FLG: variants seen among roughly 807,000 people sequenced by gnomAD.
FLG encodes filaggrin, also known as epidermal filaggrin.
Under a neutral mutation model 3.8 loss-of-function variants are expected in FLG, and 6 were observed. The observed-to-expected ratio is 1.60, with a 90% CI of 0.87 to 3.15. FLG has a LOEUF of 3.15. Among genes scored for constraint, FLG ranks in the 30% most tolerant of loss-of-function variants. FLG has a pLI of 0.00. For synonymous variants in FLG, 2,551 were observed against 1,931.6 expected (o/e 1.32, Z -8.41); for missense variants, 7,595 against 5,050.9 (o/e 1.50, Z -15.27).
chr1:152,302,999 T>C lies in FLG; in HGVS notation c.11887A>G (p.Thr3963Ala). 6.2e-7 allele frequency: 1 copy of C among 1,614,198 alleles called. No individual in the cohort carries two copies. The highest frequency in any genetic ancestry group is 8.5e-7 in the Non-Finnish European group (1 of 1,180,052). ...CCTGATTGACCTTTTTGCCTTTCAGTGCCCTCAGATTGATAATGATAAGAA... is the reference window on the plus strand; with the variant it reads ...CCTGATTGACCTTTTTGCCTTTCAGCGCCCTCAGATTGATAATGATAAGAA... Reference protein sequence around the residue: ...SSSYHYQSEGTERQKGQSGLV... With the variant: ...SSSYHYQSEGAERQKGQSGLV... The change falls in exon 3 of 3, where the codon ACT (threonine) becomes GCT (alanine). Residue 3963 changes from threonine (T) to alanine (A), a missense_variant. Coordinates refer to ENST00000368799, the MANE Select transcript of FLG (RefSeq NM_002016.2).
At position 152,309,434 on chromosome 1, in the gene FLG, C is replaced by T; in HGVS notation, c.5452G>A (p.Gly1818Arg). 1 of 1,613,528 alleles carries T rather than the reference C, an allele frequency of 6.2e-7. No homozygotes were observed. Among genetic ancestry groups the T allele is most frequent in the Non-Finnish European group, 8.5e-7 (1 of 1,179,950 alleles). ...EGQDTIRGHPGSSRGGRQGSH... is the reference protein window; with the variant it reads ...EGQDTIRGHPRSSRGGRQGSH... ...CCCTGCCTTCCTCCTCTGCTTGACCCTGGGTGTCCACGAATGGTGTCCTGA... is the reference window on the plus strand; with the variant it reads ...CCCTGCCTTCCTCCTCTGCTTGACCTTGGGTGTCCACGAATGGTGTCCTGA... Residue 1818 changes from glycine to arginine, a missense_variant, in exon 3 of 3, where the codon GGG (glycine) becomes AGG (arginine). Coordinates refer to ENST00000368799, the MANE Select transcript of FLG (RefSeq NM_002016.2).
chr1:152,305,049 T>C lies in FLG; in HGVS notation c.9837A>G (p.Ala3279=). ...DRSRQSGTRH[A]ETSSGGQAAS... ...CAGCCTGTCCACCAGAGGAAGTCTC[T>C]GCGTGACGAGTGCCTGATTGTCTGG... Residue 3279 remains alanine (A), a synonymous_variant, in exon 3 of 3, where the codon GCA becomes GCG. Transcript: ENST00000368799. 1 of 1,613,976 alleles carries C rather than the reference T, an allele frequency of 6.2e-7. No individual in the cohort carries two copies. The highest frequency in any genetic ancestry group is 2.2e-5 in the East Asian group (1 of 44,830).
Position 152,307,316 on chromosome 1 carries a change from C to T in FLG, c.7570G>A (p.Gly2524Arg). 6.2e-7 allele frequency: 1 copy of T among 1,613,490 alleles called. No individual in the cohort carries two copies. Among genetic ancestry groups the T allele is most frequent in the African/African-American group, 1.3e-5 (1 of 74,752 alleles). ...GACCCTGAGTGCCTGGAGCCGTCTC[C>T]TGATTGTTCATCGTTACGAGTTTGT... ...SRQTRNDEQS[G>R]DGSRHSGSRH... is the part of the protein sequence containing the mutation. Residue 2524 changes from glycine (G) to arginine (R), a missense_variant, in exon 3 of 3, where the codon GGA becomes AGA. By Grantham distance (125) the Gly-to-Arg change is moderately radical. Coordinates refer to ENST00000368799, the MANE Select transcript of FLG (RefSeq NM_002016.2).
intron 1 of FLG, among the ~76,000 whole-genome samples, chr1:152,319,921 A>G (rs1047399394): frequency 2.6e-5 from 4 of 151,404 alleles, no homozygotes; most frequent in Non-Finnish European, 4.4e-5. Context: ...GCATAAAATA[A>G]TAATAGTAAT....
chr1:152,307,670 C>T lies in FLG; in HGVS notation c.7216G>A (p.Gly2406Arg), dbSNP rs1652073060. The change falls in exon 3 of 3, where the codon GGA (glycine) becomes AGA (arginine). Residue 2406 changes from glycine to arginine, a missense_variant. Physicochemically the swap from Gly to Arg is moderately radical, Grantham distance 125. Coordinates refer to ENST00000368799, the MANE Select transcript of FLG (RefSeq NM_002016.2). Reference sequence around the variant, plus strand: ...AAAGACCCTGAACGTCCAGACCTTCCTGCTGACCGGCCACGTGTGGACTCT... The same window carrying T: ...AAAGACCCTGAACGTCCAGACCTTCTTGCTGACCGGCCACGTGTGGACTCT... ...HQESTRGRSA[G>R]RSGRSGSFLY... 2 of 1,613,494 alleles carry T rather than the reference C, an allele frequency of 1.2e-6. No homozygotes were observed. The highest frequency in any genetic ancestry group is 1.7e-5 in the Admixed American group (1 of 59,966).
Position 152,307,326 on chromosome 1 carries a change from A to T in FLG, c.7560T>A (p.Asp2520Glu), listed in dbSNP as rs764511980. The change falls in exon 3 of 3, where the codon GAT (aspartate) becomes GAA (glutamate). Residue 2520 changes from aspartate to glutamate, a missense_variant. Coordinates refer to ENST00000368799, the MANE Select transcript of FLG (RefSeq NM_002016.2). ...SRSASRQTRN[D>E]EQSGDGSRHS... ...GCCTGGAGCCGTCTCCTGATTGTTC[A>T]TCGTTACGAGTTTGTCTGCTTGCAC... The T allele has an allele frequency of 6.2e-7, 1 of 1,612,708 alleles. No homozygotes were observed. The highest frequency in any genetic ancestry group is 1.1e-5 in the South Asian group (1 of 90,986).
rs762134967 is a variant in FLG, at chr1:152,311,427, G to T, written c.3459C>A (p.Ser1153=). Reference sequence around the variant, plus strand: ...GACCCTCTTGGGACGCTGAGTGCCTGGAGCTGTCTCGTGCCTGCTCGTGGT... The same window carrying T: ...GACCCTCTTGGGACGCTGAGTGCCTTGAGCTGTCTCGTGCCTGCTCGTGGT... ...GSHHEQARDS[S]RHSASQEGQD... is the part of the protein sequence containing the mutation. The change falls in exon 3 of 3, where the codon TCC becomes TCA. Residue 1153 remains serine, a synonymous_variant. Transcript: ENST00000368799. 3.1e-6 allele frequency: 5 copies of T among 1,613,850 alleles called. No individual in the cohort carries two copies. In the African/African-American group the frequency reaches 5.3e-5, roughly 17 times the overall value.
intron 1 of FLG, among the ~76,000 whole-genome samples, chr1:152,321,706 G>C (rs1432489193): frequency 2.0e-5 from 3 of 151,120 alleles, no homozygotes; most frequent in Admixed American, 6.6e-5. Flanking sequence ...CTGCAGGTCA[G>C]ATGGCTTTAC....
Position 152,310,867 on chromosome 1 carries a change from C to G in FLG, c.4019G>C (p.Gly1340Ala), listed in dbSNP as rs778577623. ...CTGTTCATGGGATGACACAGCCTGTCCATGAGAGGAAGACTCTGTGTGATG... is the reference window on the plus strand; with the variant it reads ...CTGTTCATGGGATGACACAGCCTGTGCATGAGAGGAAGACTCTGTGTGATG... ...GTHHTESSSH[G>A]QAVSSHEQAR... The change falls in exon 3 of 3, where the codon GGA becomes GCA. Residue 1340 changes from glycine to alanine, a missense_variant. Gly to Ala is a moderately conservative substitution (Grantham distance 60, BLOSUM62 0). Transcript: ENST00000368799. 2 of 1,613,912 alleles carry G rather than the reference C, an allele frequency of 1.2e-6. No individual in the cohort carries two copies. The highest frequency in any genetic ancestry group is 1.7e-5 in the Admixed American group (1 of 60,004).
chr1:152,312,718 G>A lies in FLG; in HGVS notation c.2168C>T (p.Ser723Leu), dbSNP rs1652540867. Residue 723 changes from serine to leucine, a missense_variant, in exon 3 of 3, where the codon TCA (serine) becomes TTA (leucine). Physicochemically the swap from Ser to Leu is moderately radical, Grantham distance 145 (BLOSUM62 -2). Coordinates refer to ENST00000368799, the MANE Select transcript of FLG (RefSeq NM_002016.2). ...QLQSADSSRHSGTGHGQASSA... is the reference protein window; with the variant it reads ...QLQSADSSRHLGTGHGQASSA... ...TGAAGCTTGTCCGTGCCCAGTGCCT[G>A]AGTGTCTGGAGCTGTCTGCTGACTG... is the stretch of plus-strand genomic sequence containing the variant. 6.2e-7 allele frequency: 1 copy of A among 1,613,916 alleles called. No homozygotes were observed. The highest frequency in any genetic ancestry group is 1.1e-5 in the South Asian group (1 of 91,076).
At position 152,302,701 on chromosome 1, in the gene FLG, T is replaced by C. The variant is rs139645876; in HGVS notation, c.12185A>G (p.Ter4062=). The C allele has an allele frequency of 1.7e-5, 28 of 1,613,422 alleles. No individual in the cohort carries two copies. The highest frequency in any genetic ancestry group is 3.3e-4 in the Middle Eastern group (2 of 6,062). ...ATTAATTCCTTTGCCATTAATTTCT[T>C]ACTCATAGTAATAGTATCTCTGTGA... ...SQSQRYYYYE[*] Residue 4062 remains the stop codon, a stop_retained_variant, in exon 3 of 3, where the codon TAA becomes TGA. Transcript: ENST00000368799.
chr1:152,320,419 G>T (rs1652920808), intron 1 of FLG, among the ~76,000 whole-genome samples: 1 of 150,848 alleles, frequency 6.6e-6, no homozygotes, highest in African/African-American at 2.4e-5. Flanking sequence ...TGAAAGGGTG[G>T]AAGAAAGAGA....
chr1:152,304,624 C>G lies in FLG; in HGVS notation c.10262G>C (p.Ser3421Thr), dbSNP rs139262132. ...QGSHHEQARDSSRHSASQEGQ... is the reference protein window; with the variant it reads ...QGSHHEQARDTSRHSASQEGQ... ...CTCTTGGGACGCTGAGTGCCTGGAG[C>G]TGTCTCGTGCCTGCTCGTGGTGGGA... is the stretch of plus-strand genomic sequence containing the variant. The change falls in exon 3 of 3, where the codon AGC becomes ACC. Residue 3421 changes from serine (S) to threonine (T), a missense_variant. Coordinates refer to ENST00000368799, the MANE Select transcript of FLG (RefSeq NM_002016.2). 6.2e-7 allele frequency: 1 copy of G among 1,612,886 alleles called. No homozygotes were observed. Among genetic ancestry groups the G allele is most frequent in the Non-Finnish European group, 8.5e-7 (1 of 1,179,686 alleles).
At chr1:152,324,811 C>T (rs988687207) in intron 1 of FLG, among the ~76,000 whole-genome samples, 4 of 151,820 alleles carry the variant, frequency 2.6e-5, no homozygotes, top group African/African-American at 9.7e-5. Context: ...TTGTTCTTAT[C>T]ACTATTTAAA....
In FLG at chr1:152,303,753, G is replaced by A. The variant is rs1651747941; in HGVS notation, c.11133C>T (p.Leu3711=). 1.2e-6 allele frequency: 2 copies of A among 1,613,898 alleles called. No individual in the cohort carries two copies. The highest frequency in any genetic ancestry group is 4.5e-5 in the East Asian group (2 of 44,834). ...AGRSGRSGSF[L]YQVSTHEQSE... is the part of the protein sequence containing the mutation. ...ACTGTTCATGAGTGCTCACCTGGTA[G>A]AGGAAAGACCCTGAACGTCCAGACC... Residue 3711 remains leucine, a synonymous_variant, in exon 3 of 3, where the codon CTC becomes CTT. Transcript: ENST00000368799.
chr1:152,309,266 A>T lies in FLG; in HGVS notation c.5620T>A (p.Ser1874Thr), dbSNP rs1473244063. ...CCTGAGTGCCTGGAGCCGTCTCCTG[A>T]TTGTTTCTCATTACGTGTTTGTCTG... Reference protein sequence around the residue: ...VSRQTRNEKQSGDGSRHSGSR... With the variant: ...VSRQTRNEKQTGDGSRHSGSR... Residue 1874 changes from serine (S) to threonine (T), a missense_variant, in exon 3 of 3, where the codon TCA (serine) becomes ACA (threonine). Transcript: ENST00000368799. 1 of 1,611,976 alleles carries T rather than the reference A, an allele frequency of 6.2e-7. No individual in the cohort carries two copies. The highest frequency in any genetic ancestry group is 1.3e-5 in the African/African-American group (1 of 74,106).
rs145031210 is a variant in FLG at position 152,311,979 on chromosome 1, G to A, written c.2907C>T (p.Asn969=). 4.8e-5 allele frequency: 78 copies of A among 1,613,844 alleles called. No homozygotes were observed. The highest frequency in any genetic ancestry group is 5.9e-5 in the Non-Finnish European group (70 of 1,179,984). The change falls in exon 3 of 3, where the codon AAC becomes AAT. Residue 969 remains asparagine, a synonymous_variant. Coordinates refer to ENST00000368799, the MANE Select transcript of FLG (RefSeq NM_002016.2). ...ACTGCTCCTGAGCAGATCCACGATG[G>A]TTTCTGGAAGCAGACCCAGACCACC... is the stretch of plus-strand genomic sequence containing the variant. ...SERWSGSASR[N]HRGSAQEQSR... is the part of the protein sequence containing the mutation.
chr1:152,312,674 C>T lies in FLG; in HGVS notation c.2212G>A (p.Gly738Arg), dbSNP rs571540987. The T allele has an allele frequency of 2.8e-5, 45 of 1,613,960 alleles. No individual in the cohort carries two copies. The East Asian group carries it at 9.4e-4, about 34-fold the overall frequency. The change falls in exon 3 of 3, where the codon GGA (glycine) becomes AGA (arginine). Residue 738 changes from glycine (G) to arginine (R), a missense_variant. By Grantham distance (125) the Gly-to-Arg change is moderately radical (BLOSUM62 -2). Coordinates refer to ENST00000368799, the MANE Select transcript of FLG (RefSeq NM_002016.2). ...GQASSAVRDS[G>R]HRGSSGSQAT... Reference sequence around the variant, plus strand: ...TGACTACCACTGGACCCTCGGTGTCCACTGTCTCTGACTGCAGATGAAGCT... The same window carrying T: ...TGACTACCACTGGACCCTCGGTGTCTACTGTCTCTGACTGCAGATGAAGCT...
At position 152,303,114 on chromosome 1, in the gene FLG, G is replaced by T. The variant is rs957445468; in HGVS notation, c.11772C>A (p.Thr3924=). 6.2e-7 allele frequency: 1 copy of T among 1,614,030 alleles called. No homozygotes were observed. Among genetic ancestry groups the T allele is most frequent in the Admixed American group, 1.7e-5 (1 of 59,998 alleles). Residue 3924 remains threonine, a synonymous_variant, in exon 3 of 3, where the codon ACC becomes ACA. Coordinates refer to ENST00000368799, the MANE Select transcript of FLG (RefSeq NM_002016.2). ...TACTAAAGTGACCATGTTCCTTAGC[G>T]GTACTAGAGTCTGACTGTACAGGTG... The part of the protein sequence containing the change: ...QSSPVQSDSS[T]AKEHGHFSSL...
Sources: gnomAD v4.1 joint callset for allele counts (sites outside exome capture counted in the v4.1 genomes callset) on GRCh38, gnomAD v4.1.1 for gene constraint, MANE v1.5 for transcripts, NCBI Gene and HGNC (gene_info 2026-07-23, HGNC 2026-07-21) for gene names.